CCDC102B: variants seen among roughly 807,000 people sequenced by gnomAD.
The protein encoded by CCDC102B is coiled-coil domain containing 102B.
CCDC102B carries 75 observed loss-of-function variants against 57.4 expected under a neutral mutation model. That is an observed-to-expected ratio of 1.31 (90% CI 1.08 to 1.58). CCDC102B has a LOEUF of 1.58. Among genes scored for constraint, CCDC102B ranks in the 40% most tolerant of loss-of-function variants. The pLI is 0.00. For missense variants in CCDC102B, 636 were observed against 582.6 expected (o/e 1.09, Z -0.94); for synonymous variants, 206 against 201.9 (o/e 1.02, Z -0.17).
intron 2 of CCDC102B, among the ~76,000 whole-genome samples, chr18:68,780,816 G>A (rs2034982244): frequency 6.6e-6 from 1 of 152,062 alleles, no homozygotes; most frequent in Admixed American, 6.6e-5. Context: ...ACAAGTCTGT[G>A]TCAACTTTCC....
At chr18:69,051,106 A>G (rs549775914) in intron 7 of CCDC102B, among the ~76,000 whole-genome samples, 2 of 152,216 alleles carry the variant, frequency 1.3e-5, no homozygotes, top group South Asian at 4.1e-4. Flanking sequence ...GCAGGTCTTG[A>G]ACTTCTGGCC....
intron 6 of CCDC102B, among the ~76,000 whole-genome samples, chr18:68,956,979 A>G (rs1364092927): frequency 6.6e-6 from 1 of 151,828 alleles, no homozygotes; most frequent in Non-Finnish European, 1.5e-5. Flanking sequence ...TCAGATTACT[A>G]ATTTTTTTCC....
intron 2 of CCDC102B, among the ~76,000 whole-genome samples, chr18:68,726,584 G>T (rs1489660415): frequency 6.6e-6 from 1 of 152,174 alleles, no homozygotes; most frequent in Admixed American, 6.5e-5. Context: ...AAAGGTGACT[G>T]GTTTTCTGTA....
At chr18:68,854,883 A>G (rs1397515116) in intron 4 of CCDC102B, among the ~76,000 whole-genome samples, 2 of 152,144 alleles carry the variant, frequency 1.3e-5, no homozygotes, top group Admixed American at 6.5e-5. Flanking sequence ...TTTTTTCTAT[A>G]TAAGTGGCTT....
intron 6 of CCDC102B, among the ~76,000 whole-genome samples, chr18:69,001,910 A>T (rs2051211799): frequency 6.6e-6 from 1 of 152,250 alleles, no homozygotes; most frequent in African/African-American, 2.4e-5. Context: ...AATTTTACAT[A>T]TATTTTCCCC....
chr18:69,049,410 T>G (rs1422121596), intron 7 of CCDC102B, among the ~76,000 whole-genome samples: 1 of 152,172 alleles, frequency 6.6e-6, no homozygotes, highest in African/African-American at 2.4e-5. Flanking sequence ...TAATAAATAC[T>G]GAAATTATTG....
At chr18:68,910,203 G>T (rs1272873607) in intron 6 of CCDC102B, among the ~76,000 whole-genome samples, 2 of 152,156 alleles carry the variant, frequency 1.3e-5, no homozygotes, top group Non-Finnish European at 1.5e-5. Flanking sequence ...TGAGGCATGA[G>T]AATCCTTTCA....
At chr18:68,800,153 C>G (rs1172895675) in intron 1 of CCDC102B, among the ~76,000 whole-genome samples, 1 of 152,096 alleles carries the variant, frequency 6.6e-6, no homozygotes, top group Non-Finnish European at 1.5e-5. Flanking sequence ...ACCTGCTGTT[C>G]AGAAACGTTC....
At chr18:69,018,713 A>G (rs1349647806) in intron 7 of CCDC102B, among the ~76,000 whole-genome samples, 1 of 151,648 alleles carries the variant, frequency 6.6e-6, no homozygotes, top group Non-Finnish European at 1.5e-5. Flanking sequence ...GTTTATTTGT[A>G]TCTTTAGTTT....
chr18:68,927,199 T>G (rs1244819215), intron 6 of CCDC102B, among the ~76,000 whole-genome samples: 2 of 152,092 alleles, frequency 1.3e-5, no homozygotes, highest in Non-Finnish European at 2.9e-5. Flanking sequence ...AAATAATTTT[T>G]AACCTCATTA....
chr18:69,019,198 TTA>T (rs1199367443), intron 7 of CCDC102B, among the ~76,000 whole-genome samples: 1 of 152,136 alleles, frequency 6.6e-6, no homozygotes, highest in Non-Finnish European at 1.5e-5. Context: ...TTGAGATCTT[TTA>T]TGTTTCCAAA....
rs926212824 is a variant in CCDC102B at position 68,763,201 on chromosome 18, G to GT, written c.-67+46614dup. 4.6e-5 allele frequency among the ~76,000 whole-genome samples: 7 copies of GT among 151,894 alleles called. No homozygotes were observed. In the South Asian group the frequency reaches 8.3e-4, roughly 18 times the overall value. On this transcript the variant is annotated intron_variant, in intron 2 of 3. Coordinates refer to the CCDC102B transcript ENST00000578970. ...TACATTGTAAACATGGAGGATGCCT[G>GT]TTTTTTTAAATGAATCATCTCCCTG...
intron 1 of CCDC102B, among the ~76,000 whole-genome samples, chr18:68,821,738 A>G (rs2036699403): frequency 6.6e-6 from 1 of 151,888 alleles, no homozygotes; most frequent in Non-Finnish European, 1.5e-5. Context: ...TATTTTTTCT[A>G]TGGAGAAAAT....
chr18:68,759,333 T>C (rs563984480), intron 2 of CCDC102B, among the ~76,000 whole-genome samples: 16 of 152,148 alleles, frequency 1.1e-4, no homozygotes, highest in Admixed American at 1.0e-3. Context: ...CTTAAAGAAA[T>C]GAGTTGCCAT....
intron 7 of CCDC102B, among the ~76,000 whole-genome samples, chr18:69,015,498 T>G (rs1016578733): frequency 6.6e-6 from 1 of 152,222 alleles, no homozygotes; most frequent in African/African-American, 2.4e-5. Flanking sequence ...TATGTTAGTT[T>G]TATTGCTGAA....
intron 7 of CCDC102B, among the ~76,000 whole-genome samples, chr18:69,034,231 T>A (rs2052224749): frequency 6.6e-6 from 1 of 151,982 alleles, no homozygotes; most frequent in South Asian, 2.1e-4. Flanking sequence ...TAAGTCCAGT[T>A]TGTTTATTTT....
chr18:68,737,726 T>A (rs991675402), intron 2 of CCDC102B, among the ~76,000 whole-genome samples: 14 of 152,170 alleles, frequency 9.2e-5, no homozygotes, highest in Admixed American at 2.6e-4. Context: ...AGCAGCCCTG[T>A]TTCTTCATGA....
exon 1 of CCDC102B, chr18:68,715,242 C>T (rs779979251): frequency 6.0e-6 from 8 of 1,341,994 alleles, no homozygotes; most frequent in Admixed American, 3.7e-5. Flanking sequence ...CTCGGTGCCC[C>T]CCTCCACGCC....
intron 5 of CCDC102B, among the ~76,000 whole-genome samples, chr18:68,886,148 A>G (rs2039876659): frequency 6.6e-6 from 1 of 151,970 alleles, no homozygotes; most frequent in Non-Finnish European, 1.5e-5. Flanking sequence ...TATAAAATAT[A>G]AATAAGGGAG....
Sources: allele counts gnomAD v4.1 joint callset (sites outside exome capture counted in the v4.1 genomes callset), GRCh38; gene constraint gnomAD v4.1.1; transcripts MANE v1.5; gene names NCBI Gene and HGNC (gene_info 2026-07-23, HGNC 2026-07-21).